BRINP1: variants seen among roughly 807,000 people sequenced by gnomAD.
The protein encoded by BRINP1 is BMP/retinoic acid-inducible neural-specific protein 1.
In BRINP1, 17 loss-of-function variants were observed where a neutral mutation model predicts 72.9. The ratio of observed to expected loss-of-function variants is 0.23; its 90% confidence interval spans 0.16 to 0.35. The LOEUF is 0.35. BRINP1 is among the 10% of genes least tolerant of loss of function. The probability of loss-of-function intolerance (pLI) is 1.00; values close to 1 mark genes in which losing one functional copy is unlikely to be tolerated. For missense variants in BRINP1, 850 were observed against 1,001.6 expected (o/e 0.85, Z 2.04); for synonymous variants, 418 against 378.5 (o/e 1.10, Z -1.21).
chr9:119,360,800 T>G (rs893565015), intron 1 of BRINP1, among the ~76,000 whole-genome samples: 1 of 152,194 alleles, frequency 6.6e-6, no homozygotes, highest in African/African-American at 2.4e-5. Context: ...CTTAGAAACC[T>G]CCCAGGGCCA....
chr9:119,344,121 G>T (rs1163996778), intron 1 of BRINP1, among the ~76,000 whole-genome samples: 1 of 152,146 alleles, frequency 6.6e-6, no homozygotes, highest in Non-Finnish European at 1.5e-5. Context: ...ACTCTGCTGT[G>T]ATTCTTTTTG....
At chr9:119,261,893 T>C (rs896561972) in intron 2 of BRINP1, among the ~76,000 whole-genome samples, 1 of 149,656 alleles carries the variant, frequency 6.7e-6, no homozygotes, top group African/African-American at 2.5e-5. Context: ...CTTCTCTTCC[T>C]CTCTCTCTCT....
chr9:119,365,984 C>A (rs2119048005), intron 1 of BRINP1, among the ~76,000 whole-genome samples: 1 of 152,248 alleles, frequency 6.6e-6, no homozygotes, highest in South Asian at 2.1e-4. Context: ...TAAGAGCACG[C>A]TTTTGAGTGA....
chr9:119,201,645 G>A (rs1242381633), intron 7 of BRINP1, among the ~76,000 whole-genome samples: 2 of 152,106 alleles, frequency 1.3e-5, no homozygotes, highest in African/African-American at 4.8e-5. Context: ...AGCCCACACA[G>A]GACAGAATAG....
At chr9:119,265,539 G>A (rs1422515742) in intron 2 of BRINP1, among the ~76,000 whole-genome samples, 1 of 152,150 alleles carries the variant, frequency 6.6e-6, no homozygotes. Context: ...AGAGGTTGCA[G>A]TGAGCTGAGA....
chr9:119,355,538 C>A (rs188868562), intron 1 of BRINP1, among the ~76,000 whole-genome samples: 2 of 151,978 alleles, frequency 1.3e-5, no homozygotes, highest in Non-Finnish European at 2.9e-5. Context: ...ACCATCCTGG[C>A]TAACATGGTA....
rs79924145 is a variant in BRINP1, at chr9:119,197,088, G to A, written c.1145+11631C>T. Among the ~76,000 whole-genome samples, 1,447 of 152,322 alleles carry A rather than the reference G, an allele frequency of 9.5e-3. 23 individuals carry two copies. The highest frequency in any genetic ancestry group is 0.032 in the African/African-American group (1,326 of 41,558). Reference sequence around the variant, plus strand: ...TCACTGAATTTGTGGTCAAGTAGGGGAAGTCTGGGTTTAAACGCAGCATTG... The same window carrying A: ...TCACTGAATTTGTGGTCAAGTAGGGAAAGTCTGGGTTTAAACGCAGCATTG... On this transcript the variant is annotated intron_variant, in intron 7 of 7. Coordinates refer to ENST00000265922, the MANE Select transcript of BRINP1 (RefSeq NM_014618.3).
intron 2 of BRINP1, among the ~76,000 whole-genome samples, chr9:119,279,367 C>T (rs1021431727): frequency 1.3e-5 from 2 of 151,600 alleles, no homozygotes; most frequent in Non-Finnish European, 1.5e-5. Context: ...TGCCCACGCA[C>T]GGTTCCCCTG....
rs566621141 is a variant in BRINP1 at position 119,278,190 on chromosome 9, C to T, written c.219-29040G>A. Among the ~76,000 whole-genome samples the T allele has an allele frequency of 2.0e-5, 3 of 152,228 alleles. 1 individual carries two copies. The highest frequency in any genetic ancestry group is 4.8e-5 in the African/African-American group (2 of 41,556). ...CAACTCAATATTTGCACTGGATGAT[C>T]TCTCAGGTCCCTTTCAGAACCTCTG... is the stretch of plus-strand genomic sequence containing the variant. On this transcript the variant is annotated intron_variant, in intron 2 of 7. Coordinates refer to ENST00000265922, the MANE Select transcript of BRINP1 (RefSeq NM_014618.3).
chr9:119,355,558 C>G lies in BRINP1; in HGVS notation c.-51+13498G>C, dbSNP rs193107376. On this transcript the variant is annotated intron_variant, in intron 1 of 7. Transcript: ENST00000265922. ...CCTGGCTAACATGGTAAAACCCCAT[C>G]TCTAATAAAAACACAAAAAAATTAG... Among the ~76,000 whole-genome samples, 4 of 152,130 alleles carry G rather than the reference C, an allele frequency of 2.6e-5. No individual in the cohort carries two copies. The East Asian group carries it at 7.8e-4, about 30-fold the overall frequency.
At chr9:119,281,590 T>G (rs1046560947) in intron 2 of BRINP1, among the ~76,000 whole-genome samples, 2 of 152,250 alleles carry the variant, frequency 1.3e-5, no homozygotes, top group African/African-American at 2.4e-5. Flanking sequence ...TCAGGGAATA[T>G]GAAGGGTGTG....
chr9:119,237,807 G>A (rs544395011), intron 5 of BRINP1, among the ~76,000 whole-genome samples: 1 of 151,592 alleles, frequency 6.6e-6, no homozygotes, highest in African/African-American at 2.4e-5. Context: ...GACTATAGGC[G>A]CACACCACCG....
At chr9:119,299,567 T>C (rs978150791) in intron 2 of BRINP1, among the ~76,000 whole-genome samples, 1 of 147,592 alleles carries the variant, frequency 6.8e-6, no homozygotes, top group Non-Finnish European at 1.5e-5. Flanking sequence ...GAGCCGAGAC[T>C]GCACCATTGC....
chr9:119,169,865 G>A (rs926654593), intron 7 of BRINP1, among the ~76,000 whole-genome samples: 14 of 150,898 alleles, frequency 9.3e-5, no homozygotes, highest in Admixed American at 7.9e-4. Flanking sequence ...CCCGCCAGCA[G>A]GGGCACACTG....
rs558813473 is a variant in BRINP1, at chr9:119,340,656, G to A, written c.-50-27251C>T. Among the ~76,000 whole-genome samples the A allele has an allele frequency of 9.8e-5, 15 of 152,332 alleles. No individual in the cohort carries two copies. The South Asian group carries it at 2.9e-3, about 29-fold the overall frequency. ...CAAACCTCATTTTCTGATGTGTAAA[G>A]TAAGACCCTAACTCATTTTTACGTC... is the stretch of plus-strand genomic sequence containing the variant. On this transcript the variant is annotated intron_variant, in intron 1 of 7. Coordinates refer to ENST00000265922, the MANE Select transcript of BRINP1 (RefSeq NM_014618.3).
chr9:119,368,751 A>G lies in BRINP1; in HGVS notation c.-51+305T>C, dbSNP rs1831721813. Among the ~76,000 whole-genome samples the G allele has an allele frequency of 6.6e-6, 1 of 152,008 alleles. No homozygotes were observed. The highest frequency in any genetic ancestry group is 6.6e-5 in the Admixed American group (1 of 15,260). On this transcript the variant is annotated intron_variant, in intron 1 of 7. Transcript: ENST00000265922. This position sits in a 1 kb window ranked among gnomAD's most constrained non-coding sequence, Gnocchi z 4.7. ...ACCACGAACACACGCATCAAACGCA[A>G]ACGACGCCGCACACGCAAACACACT...
chr9:119,211,186 T>TTATTTATG (rs1454509464), intron 6 of BRINP1, among the ~76,000 whole-genome samples: 1 of 151,354 alleles, frequency 6.6e-6, no homozygotes, highest in Non-Finnish European at 1.5e-5. Context: ...ATTTATTTAT[T>TTATTTATG]TATTTATTTA....
Position 119,180,132 on chromosome 9 carries a change from G to A in BRINP1, c.1146-11908C>T, listed in dbSNP as rs115024519. On this transcript the variant is annotated intron_variant, in intron 7 of 7. Coordinates refer to ENST00000265922, the MANE Select transcript of BRINP1 (RefSeq NM_014618.3). ...GTGTGGGGCCAGTGGCATTTTAGGG[G>A]AGATCATACAAATCGAGTGCCAAGG... 4.8e-3 allele frequency among the ~76,000 whole-genome samples: 731 copies of A among 152,270 alleles called. 7 individuals are homozygous for A. The highest frequency in any genetic ancestry group is 0.017 in the African/African-American group (698 of 41,540).
At chr9:119,278,342 C>T (rs528433100) in intron 2 of BRINP1, among the ~76,000 whole-genome samples, 2 of 152,272 alleles carry the variant, frequency 1.3e-5, no homozygotes, top group East Asian at 3.9e-4. Flanking sequence ...GAGCAGTGAA[C>T]CATTCCCTAC....
Sources: allele counts gnomAD v4.1 joint callset (sites outside exome capture counted in the v4.1 genomes callset), GRCh38; gene constraint gnomAD v4.1.1; non-coding constraint Gnocchi (gnomAD v3.1); transcripts MANE v1.5; gene names NCBI Gene and HGNC (gene_info 2026-07-23, HGNC 2026-07-21).